The following KCNH5 variants were observed in gnomAD, a reference collection of about 807,000 sequenced individuals.
The protein encoded by KCNH5 is potassium voltage-gated channel subfamily H member 5.
Under a neutral mutation model 96.1 loss-of-function variants are expected in KCNH5, and 46 were observed. The ratio of observed to expected loss-of-function variants is 0.48; its 90% CI spans 0.38 to 0.61. The LOEUF is 0.61. KCNH5 is among the 20% of genes least tolerant of loss of function. The pLI, the probability that KCNH5 is intolerant of heterozygous loss-of-function variation, is 0.00. For synonymous variants in KCNH5, 439 were observed against 449.8 expected, an observed-to-expected ratio of 0.98 and a Z score of 0.30; for missense variants, 907 against 1,225.8, an observed-to-expected ratio of 0.74 and a Z score of 3.88.
chr14:62,906,372 A>G (rs1255125018), intron 7 of KCNH5, among the ~76,000 whole-genome samples: 1 of 152,210 alleles, frequency 6.6e-6, no homozygotes, highest in Non-Finnish European at 1.5e-5. Context: ...GGGAAGTCAG[A>G]GAAGGCTTCT....
rs527453542 is a variant in KCNH5, at chr14:62,894,786, CCTTTGA to C, written c.1370-44940_1370-44935del. On this transcript the variant is annotated intron_variant, in intron 7 of 10. Transcript: ENST00000322893. ...TGATGGCCTTAACTAAATGAATCCA[CCTTTGA>C]CTTTCATTAAATGCACTGAAATTAA... Among the ~76,000 whole-genome samples the C allele has an allele frequency of 4.1e-3, 623 of 152,304 alleles. 3 individuals are homozygous for C. Among genetic ancestry groups the C allele is most frequent in the Middle Eastern group, 0.01 (3 of 294 alleles).
intron 10 of KCNH5, among the ~76,000 whole-genome samples, chr14:62,746,690 T>A (rs895782348): frequency 6.6e-6 from 1 of 152,224 alleles, no homozygotes; most frequent in African/African-American, 2.4e-5. Context: ...TGTGGAGTAT[T>A]TTTCATTAAA....
At chr14:62,927,530 A>G (rs529918956) in intron 7 of KCNH5, among the ~76,000 whole-genome samples, 49 of 152,300 alleles carry the variant, frequency 3.2e-4, no homozygotes, top group African/African-American at 1.1e-3. Flanking sequence ...TGGTATATAC[A>G]TACAAAGGAA....
In KCNH5 at chr14:62,775,107, C is replaced by T. The variant is rs558494586; in HGVS notation, c.2019+4621G>A. 2.0e-5 allele frequency among the ~76,000 whole-genome samples: 3 copies of T among 152,300 alleles called. No individual in the cohort carries two copies. In the East Asian group the frequency reaches 5.8e-4, roughly 29 times the overall value. Reference sequence around the variant, plus strand: ...ATGGCATTTCAAGATATCTTTGGCACATATGATATATGAAAATATCCATTA... The same window carrying T: ...ATGGCATTTCAAGATATCTTTGGCATATATGATATATGAAAATATCCATTA... On this transcript the variant is annotated intron_variant, in intron 10 of 10. Transcript: ENST00000322893.
intron 9 of KCNH5, 94 bp from the exon 10 acceptor site, chr14:62,780,018 T>C: frequency 1.0e-6 from 1 of 979,442 alleles, no homozygotes; most frequent in Non-Finnish European, 1.4e-6. Context: ...ATTGACCTTC[T>C]AGCATAATTT....
intron 7 of KCNH5, among the ~76,000 whole-genome samples, chr14:62,916,287 C>A (rs2355743): frequency 6.6e-6 from 1 of 152,030 alleles, no homozygotes; most frequent in Non-Finnish European, 1.5e-5. Flanking sequence ...CTGATGTTCA[C>A]GTTCTTAACC....
chr14:62,828,762 C>T (rs1887280218), intron 8 of KCNH5, among the ~76,000 whole-genome samples: 1 of 152,068 alleles, frequency 6.6e-6, no homozygotes, highest in African/African-American at 2.4e-5. Flanking sequence ...CCCTCCCAAA[C>T]CTCATGTCCT....
intron 8 of KCNH5, among the ~76,000 whole-genome samples, chr14:62,804,899 C>T (rs958799756): frequency 6.6e-6 from 1 of 152,190 alleles, no homozygotes; most frequent in African/African-American, 2.4e-5. Flanking sequence ...AAACTCTCTA[C>T]AAAAGCAATT....
intron 7 of KCNH5, among the ~76,000 whole-genome samples, chr14:62,924,228 A>G (rs990408025): frequency 6.6e-6 from 1 of 152,024 alleles, no homozygotes; most frequent in Non-Finnish European, 1.5e-5. Flanking sequence ...GGTACTCAAC[A>G]TCATTAGTCA....
At chr14:62,734,214 C>T (rs1041766312) in intron 10 of KCNH5, among the ~76,000 whole-genome samples, 16 of 151,960 alleles carry the variant, frequency 1.1e-4, no homozygotes, top group Non-Finnish European at 1.8e-4. Flanking sequence ...GAAAATCACC[C>T]GTCATCATTC....
chr14:62,972,046 C>T (rs957087295), intron 6 of KCNH5, among the ~76,000 whole-genome samples: 7 of 151,994 alleles, frequency 4.6e-5, no homozygotes, highest in African/African-American at 1.7e-4. Context: ...GCAAAAGTCA[C>T]AGTCAAAAGA....
At chr14:62,987,033 C>T (rs1467770857) in intron 5 of KCNH5, 39 bp downstream of exon 5, 1 of 1,349,870 alleles carries the variant, frequency 7.4e-7, no homozygotes, top group South Asian at 1.2e-5. Context: ...AATGTACCAA[C>T]ACCACCATCT....
rs188376817 is a variant in KCNH5, at chr14:62,740,166, A to G, written c.2020-31711T>C. Among the ~76,000 whole-genome samples, 24 of 152,324 alleles carry G rather than the reference A, an allele frequency of 1.6e-4. No individual in the cohort carries two copies. In the East Asian group the frequency reaches 4.2e-3, roughly 27 times the overall value. ...TGTGATAGACTCATTATAGGAAGGA[A>G]TAAGATATCAATGAATGTTTGTTAA... On this transcript the variant is annotated intron_variant, in intron 10 of 10. Transcript: ENST00000322893.
intron 7 of KCNH5, among the ~76,000 whole-genome samples, chr14:62,912,411 T>C (rs1889185997): frequency 7.3e-6 from 1 of 136,286 alleles, no homozygotes; most frequent in South Asian, 2.3e-4. Context: ...TATATCTTGA[T>C]TTTTTTTTTT....
chr14:62,905,497 A>AG (rs1595678482), intron 7 of KCNH5, among the ~76,000 whole-genome samples: 1 of 152,014 alleles, frequency 6.6e-6, no homozygotes, highest in East Asian at 1.9e-4. Flanking sequence ...TCCTTCATTG[A>AG]GGGGGGCAGG....
chr14:62,956,743 T>G (rs1005923824), intron 6 of KCNH5, among the ~76,000 whole-genome samples: 1 of 152,168 alleles, frequency 6.6e-6, no homozygotes. Flanking sequence ...ATTTAATTCC[T>G]GTTGGCAAGT....
Position 62,876,592 on chromosome 14 carries a change from T to A in KCNH5, c.1370-26740A>T, listed in dbSNP as rs150174661. On this transcript the variant is annotated intron_variant, in intron 7 of 10. Coordinates refer to ENST00000322893, the MANE Select transcript of KCNH5 (RefSeq NM_139318.5). ...TGAAAAGTTAGAAAAACTGACATTT[T>A]TAAAAAATCAAGTAGCAGAAAAATG... is the stretch of plus-strand genomic sequence containing the variant. Among the ~76,000 whole-genome samples, 8 of 152,308 alleles carry A rather than the reference T, an allele frequency of 5.3e-5. No homozygotes were observed. The East Asian group carries it at 1.5e-3, about 29-fold the overall frequency.
chr14:62,809,686 C>A (rs1160418024), intron 8 of KCNH5, among the ~76,000 whole-genome samples: 2 of 152,100 alleles, frequency 1.3e-5, no homozygotes, highest in Admixed American at 6.6e-5. Flanking sequence ...GAACTTTATA[C>A]AAATTATCAC....
At chr14:62,759,178 T>A (rs1885691441) in intron 10 of KCNH5, among the ~76,000 whole-genome samples, 1 of 152,200 alleles carries the variant, frequency 6.6e-6, no homozygotes, top group Non-Finnish European at 1.5e-5. Context: ...CTTGTATTAG[T>A]TTGACTTATT....
Sources: allele counts gnomAD v4.1 joint callset (sites outside exome capture counted in the v4.1 genomes callset), GRCh38; gene constraint gnomAD v4.1.1; transcripts MANE v1.5; gene names NCBI Gene and HGNC (gene_info 2026-07-23, HGNC 2026-07-21).